Variants in INPP4B observed in about 807,000 individuals in gnomAD.
INPP4B encodes the protein inositol polyphosphate 4-phosphatase type II.
INPP4B carries 55 observed loss-of-function variants against 122.5 expected under a neutral mutation model. The ratio of observed to expected loss-of-function variants is 0.45; its 90% CI spans 0.36 to 0.56. INPP4B has a LOEUF of 0.56. INPP4B is among the 20% of genes least tolerant of loss of function. The pLI, the probability that INPP4B is intolerant of heterozygous loss-of-function variation, is 0.00. For missense variants in INPP4B, 1,000 were observed against 1,097.7 expected, an observed-to-expected ratio of 0.91 and a Z score of 1.26; for synonymous variants, 403 against 388.7, an observed-to-expected ratio of 1.04 and a Z score of -0.43.
At chr4:142,147,708 A>G (rs1325179327) in intron 17 of INPP4B, among the ~76,000 whole-genome samples, 2 of 152,194 alleles carry the variant, frequency 1.3e-5, no homozygotes, top group African/African-American at 2.4e-5. Flanking sequence ...TGTAACCTTG[A>G]GTAGGAAGTA....
At chr4:142,311,587 T>C (rs543810809) in intron 8 of INPP4B, among the ~76,000 whole-genome samples, 1 of 152,316 alleles carries the variant, frequency 6.6e-6, no homozygotes, top group South Asian at 2.1e-4. Flanking sequence ...TTTGCTCTCA[T>C]GGAGTACATC....
intron 2 of INPP4B, among the ~76,000 whole-genome samples, chr4:142,614,513 G>A (rs1743277916): frequency 6.6e-6 from 1 of 151,942 alleles, no homozygotes; most frequent in Non-Finnish European, 1.5e-5. Flanking sequence ...TCCTCAAAAG[G>A]AAATGCAACA....
intron 15 of INPP4B, among the ~76,000 whole-genome samples, chr4:142,176,770 C>T (rs1227565417): frequency 6.6e-6 from 1 of 152,056 alleles, no homozygotes; most frequent in Non-Finnish European, 1.5e-5. Flanking sequence ...TCCAGAGATA[C>T]CAACGCAGGG....
chr4:142,238,154 G>C (rs1466020879), intron 11 of INPP4B, 143 bp from the exon 12 acceptor site: 3 of 453,990 alleles, frequency 6.6e-6, no homozygotes, highest in Admixed American at 3.8e-5. Context: ...AAATCCATTA[G>C]TGTATCTGAA....
At chr4:142,193,478 T>C (rs1188438004) in intron 14 of INPP4B, among the ~76,000 whole-genome samples, 1 of 152,186 alleles carries the variant, frequency 6.6e-6, no homozygotes, top group Non-Finnish European at 1.5e-5. Flanking sequence ...TTATTCTATA[T>C]ACTTACTGAG....
In INPP4B at chr4:142,612,597, G is replaced by T. The variant is rs565069920; in HGVS notation, c.-191+113242C>A. Among the ~76,000 whole-genome samples, 4 of 152,256 alleles carry T rather than the reference G, an allele frequency of 2.6e-5. No homozygotes were observed. The East Asian group carries it at 7.7e-4, about 29-fold the overall frequency. On this transcript the variant is annotated intron_variant, in intron 2 of 25. Coordinates refer to ENST00000262992, the MANE Select transcript of INPP4B (RefSeq NM_001101669.3). ...TCCTGAGATTAGGTTAGTGTAAAAA[G>T]AATTGCAGTTTTTGCCATTTTTAAA... is the stretch of plus-strand genomic sequence containing the variant.
At chr4:142,209,149 T>C (rs960789062) in intron 12 of INPP4B, 123 bp from the exon 13 acceptor site, 26 of 571,408 alleles carry the variant, frequency 4.6e-5, no homozygotes, top group Admixed American at 7.0e-5. Context: ...GAAAGTTCTA[T>C]GAGCTTATTA....
At chr4:142,079,896 A>G (rs932459820) in intron 25 of INPP4B, among the ~76,000 whole-genome samples, 4 of 152,158 alleles carry the variant, frequency 2.6e-5, no homozygotes, top group African/African-American at 7.2e-5. Flanking sequence ...ACATAAAACT[A>G]CAAGGATCAT....
intron 2 of INPP4B, among the ~76,000 whole-genome samples, chr4:142,533,094 C>A (rs1199982869): frequency 6.6e-6 from 1 of 152,056 alleles, no homozygotes; most frequent in African/African-American, 2.4e-5. Flanking sequence ...TACTATAGTG[C>A]CCAAAATTAT....
At chr4:142,754,110 T>G (rs1407285313) in intron 1 of INPP4B, among the ~76,000 whole-genome samples, 1 of 152,236 alleles carries the variant, frequency 6.6e-6, no homozygotes, top group East Asian at 1.9e-4. Context: ...ATGCCAATTG[T>G]GCTTGTTTCC....
intron 2 of INPP4B, among the ~76,000 whole-genome samples, chr4:142,691,384 T>C (rs924574726): frequency 3.9e-5 from 6 of 152,032 alleles, no homozygotes; most frequent in Admixed American, 3.3e-4. Flanking sequence ...CCTAGGCCTA[T>C]GTTTCGAAAA....
At chr4:142,398,376 TAA>T (rs1183246808) in intron 7 of INPP4B, among the ~76,000 whole-genome samples, 8 of 8,870 alleles carry the variant, frequency 9.0e-4, no homozygotes, top group Admixed American at 4.0e-3. Context: ...AGACTCTGTC[TAA>T]AAAAAAAAAA....
rs1429989303 is a variant in INPP4B, at chr4:142,449,193, T to G, written c.-127+13470A>C. ...AACCATTCCAGCTGCAGACTAACAC[T>G]GCAACTAGTTAGTGATGTTCTCCTC... On this transcript the variant is annotated intron_variant, in intron 3 of 25. Coordinates refer to ENST00000262992, the MANE Select transcript of INPP4B (RefSeq NM_001101669.3). Among the ~76,000 whole-genome samples, 3 of 152,160 alleles carry G rather than the reference T, an allele frequency of 2.0e-5. No homozygotes were observed. In the East Asian group the frequency reaches 5.8e-4, roughly 29 times the overall value.
At chr4:142,511,081 A>T (rs1444385410) in intron 2 of INPP4B, among the ~76,000 whole-genome samples, 5 of 152,026 alleles carry the variant, frequency 3.3e-5, no homozygotes, top group Admixed American at 1.3e-4. Flanking sequence ...AAATTTTCAA[A>T]TTTCTTTTTC....
chr4:142,619,659 G>T (rs1744463605), intron 2 of INPP4B, among the ~76,000 whole-genome samples: 1 of 151,944 alleles, frequency 6.6e-6, no homozygotes, highest in Non-Finnish European at 1.5e-5. Flanking sequence ...TTTCAGTTAT[G>T]CAAGGTTATT....
chr4:142,759,334 G>C (rs1211098449), intron 1 of INPP4B, among the ~76,000 whole-genome samples: 1 of 152,100 alleles, frequency 6.6e-6, no homozygotes, highest in African/African-American at 2.4e-5. Flanking sequence ...CAAGTTCCAA[G>C]TTTCCTGGCA....
At chr4:142,279,788 T>A (rs546103427) in intron 9 of INPP4B, among the ~76,000 whole-genome samples, 8 of 151,972 alleles carry the variant, frequency 5.3e-5, no homozygotes, top group Admixed American at 3.9e-4. Flanking sequence ...GTCAAAGACA[T>A]GGTTACAATA....
chr4:142,404,898 CT>C (rs929988917), intron 6 of INPP4B, among the ~76,000 whole-genome samples: 12 of 150,830 alleles, frequency 8.0e-5, no homozygotes, highest in Non-Finnish European at 1.3e-4. Context: ...AAAGTGGGAA[CT>C]TTTTTTTCTA....
At chr4:142,589,487 C>A (rs1736956931) in intron 2 of INPP4B, among the ~76,000 whole-genome samples, 1 of 151,690 alleles carries the variant, frequency 6.6e-6, no homozygotes, top group South Asian at 2.1e-4. Context: ...GATAGCTCAT[C>A]AAAAAAAGGA....
Sources: allele counts gnomAD v4.1 joint callset (sites outside exome capture counted in the v4.1 genomes callset), GRCh38; gene constraint gnomAD v4.1.1; transcripts MANE v1.5; gene names NCBI Gene and HGNC (gene_info 2026-07-23, HGNC 2026-07-21).